Variants in ROR2 observed in about 807,000 individuals in gnomAD.
The protein encoded by ROR2 is ROR family WNT receptor 2, also known as tyrosine-protein kinase transmembrane receptor ROR2.
In ROR2, 33 loss-of-function variants were observed where a neutral mutation model predicts 74.9. The observed-to-expected ratio is 0.44, with a 90% CI of 0.33 to 0.59. The LOEUF is 0.59. ROR2 is among the 20% of genes least tolerant of loss of function. The pLI is 0.02. For missense variants in ROR2, 1,216 were observed against 1,313.8 expected (o/e 0.93, Z 1.15); for synonymous variants, 586 against 558.7 (o/e 1.05, Z -0.69).
In ROR2 at chr9:91,733,103, C is replaced by T. The variant is rs548788151; in HGVS notation, c.937+19G>A. On this transcript the variant is annotated intron_variant, in intron 6 of 8. Transcript: ENST00000375708. The surrounding 1 kb of genome is among the most constrained non-coding windows in gnomAD (Gnocchi z 5.7). ...CTCCCTGCGCCCCCCGGTCCCGCCCCGGGCCCTCGGGCACTCACAGCGGCC... is the reference window on the plus strand; with the variant it reads ...CTCCCTGCGCCCCCCGGTCCCGCCCTGGGCCCTCGGGCACTCACAGCGGCC... 24 of 1,574,330 alleles carry T rather than the reference C, an allele frequency of 1.5e-5. No individual in the cohort carries two copies. The Admixed American group carries it at 1.7e-4, about 11-fold the overall frequency.
chr9:91,772,795 G>A (rs766142979), intron 2 of ROR2, among the ~76,000 whole-genome samples: 3 of 152,136 alleles, frequency 2.0e-5, no homozygotes, highest in Non-Finnish European at 4.4e-5. Flanking sequence ...CAACAAAAAA[G>A]TCAAGAGATT....
intron 1 of ROR2, among the ~76,000 whole-genome samples, chr9:91,918,884 T>G (rs141530810): frequency 1.7e-3 from 255 of 152,108 alleles, no homozygotes; most frequent in African/African-American, 6.0e-3. Flanking sequence ...AAAAGCAAAA[T>G]AAGGCAAAAT....
intron 1 of ROR2, among the ~76,000 whole-genome samples, chr9:91,788,823 C>CG (rs1826881797): frequency 6.7e-6 from 1 of 149,086 alleles, no homozygotes; most frequent in Non-Finnish European, 1.5e-5. Flanking sequence ...GAGATGGTGC[C>CG]GCACTCCAGC....
chr9:91,776,180 G>C (rs893902177), intron 1 of ROR2, among the ~76,000 whole-genome samples: 1 of 152,220 alleles, frequency 6.6e-6, no homozygotes, highest in Non-Finnish European at 1.5e-5. Context: ...TCTGTAGCCA[G>C]ATGCCGCAGA....
At chr9:91,922,000 C>T (rs1432852809) in intron 1 of ROR2, among the ~76,000 whole-genome samples, 1 of 149,972 alleles carries the variant, frequency 6.7e-6, no homozygotes, top group African/African-American at 2.5e-5. Context: ...GAAAAGATGT[C>T]ATCATTAGTC....
In ROR2 at chr9:91,754,027, C is replaced by G. The variant is rs749019492; in HGVS notation, c.494+2044G>C. 4.0e-4 allele frequency among the ~76,000 whole-genome samples: 57 copies of G among 143,212 alleles called. 1 individual carries two copies. Among genetic ancestry groups the G allele is most frequent in the Non-Finnish European group, 3.0e-4 (20 of 65,782 alleles). The allele number at this position is 143,212 out of a possible 152,430, so 94.0% of individuals were successfully genotyped here. ...GATGTATGTATGTACTGAGTGCCTA[C>G]AAACTCCCTGGATGATTTACCTTTA... is the stretch of plus-strand genomic sequence containing the variant. On this transcript the variant is annotated intron_variant, in intron 4 of 8. Coordinates refer to ENST00000375708, the MANE Select transcript of ROR2 (RefSeq NM_004560.4).
At position 91,756,112 on chromosome 9, in the gene ROR2, G is replaced by A. The variant is rs1825742348; in HGVS notation, c.464-11C>T. 1 of 1,613,310 alleles carries A rather than the reference G, an allele frequency of 6.2e-7. No individual in the cohort carries two copies. The highest frequency in any genetic ancestry group is 8.5e-7 in the Non-Finnish European group (1 of 1,179,396). On this transcript the variant is annotated splice_polypyrimidine_tract_variant and intron_variant, in intron 3 of 8. Coordinates refer to ENST00000375708, the MANE Select transcript of ROR2 (RefSeq NM_004560.4). ...GGCTGTGCGTTGGACCTAAAAAGAG[G>A]AAACAAAAAGACAAGTTATTAATAC...
chr9:91,847,435 G>C (rs923150429), intron 1 of ROR2, among the ~76,000 whole-genome samples: 3 of 152,134 alleles, frequency 2.0e-5, no homozygotes, highest in Non-Finnish European at 4.4e-5. Flanking sequence ...CCAAAACATG[G>C]GAAGCAGGCT....
chr9:91,741,299 AAGT>A (rs1279054495), intron 4 of ROR2, among the ~76,000 whole-genome samples: 222 of 74,086 alleles, frequency 3.0e-3, no homozygotes, highest in African/African-American at 9.3e-3. Context: ...ACTCTGTCTC[AAGT>A]AGTAATAATA....
intron 1 of ROR2, among the ~76,000 whole-genome samples, chr9:91,935,858 C>T (rs1465454034): frequency 6.6e-6 from 1 of 152,234 alleles, no homozygotes; most frequent in East Asian, 1.9e-4. Flanking sequence ...TAGCAATGAC[C>T]CCCAGAGAGA....
chr9:91,827,951 A>G (rs755561507), intron 1 of ROR2, among the ~76,000 whole-genome samples: 3 of 152,252 alleles, frequency 2.0e-5, no homozygotes, highest in Non-Finnish European at 4.4e-5. Context: ...ATGTATTTGA[A>G]AACACAGTAA....
Position 91,726,421 on chromosome 9 carries a change from A to G in ROR2, c.1386+120T>C, listed in dbSNP as rs148959129. 1.3e-5 allele frequency: 13 copies of G among 975,246 alleles called. No homozygotes were observed. In the African/African-American group the frequency reaches 2.1e-4, roughly 16 times the overall value. The allele number at this position is 975,246 out of a possible 1,614,324, so 60.4% of individuals were successfully genotyped here. A position where few individuals can be genotyped will look rare whatever the true frequency, so the allele number is the denominator to read the frequency against. ...AAAAAAAAATGGCAAAATGAAGCGG[A>G]GTTTAAAATAATTATGTGCTATGTA... On this transcript the variant is annotated intron_variant, in intron 8 of 8. Coordinates refer to ENST00000375708, the MANE Select transcript of ROR2 (RefSeq NM_004560.4).
chr9:91,784,892 A>T (rs1490353313), intron 1 of ROR2, among the ~76,000 whole-genome samples: 6 of 152,106 alleles, frequency 3.9e-5, no homozygotes, highest in Non-Finnish European at 8.8e-5. Context: ...TCTCGCCTTC[A>T]TGGGGCCAGG....
chr9:91,817,846 A>T (rs1050289259), intron 1 of ROR2, among the ~76,000 whole-genome samples: 1 of 148,086 alleles, frequency 6.8e-6, no homozygotes, highest in African/African-American at 2.5e-5. Context: ...AGGGAGGAGG[A>T]GGGGAAAGAG....
intron 1 of ROR2, among the ~76,000 whole-genome samples, chr9:91,807,161 A>G (rs1827595884): frequency 6.6e-6 from 1 of 152,332 alleles, no homozygotes; most frequent in African/African-American, 2.4e-5. Context: ...TGCTGGAGTT[A>G]GATCATATCC....
At chr9:91,793,740 C>T (rs972444252) in intron 1 of ROR2, among the ~76,000 whole-genome samples, 5 of 142,670 alleles carry the variant, frequency 3.5e-5, no homozygotes, top group South Asian at 2.2e-4. Flanking sequence ...CCAGCCCGGG[C>T]GACAGTGTGA....
In ROR2 at chr9:91,723,795, G is replaced by A. The variant is rs1273674096; in HGVS notation, c.2699C>T (p.Ala900Val). 3 of 1,613,730 alleles carry A rather than the reference G, an allele frequency of 1.9e-6. No homozygotes were observed. The highest frequency in any genetic ancestry group is 4.5e-5 in the East Asian group (2 of 44,888). ...GGTGCTCTGGGCCCCATCTTCTGGG[G>A]CGTTCTGTGTGTCATCAGCGCCCTC... ...LSEGADDTQN[A>V]PEDGAQSTVQ... Residue 900 changes from alanine to valine, a missense_variant, in exon 9 of 9, where the codon GCC becomes GTC. Physicochemically the swap from Ala to Val is moderately conservative, Grantham distance 64 (BLOSUM62 0). Transcript: ENST00000375708.
intron 1 of ROR2, among the ~76,000 whole-genome samples, chr9:91,844,293 A>G (rs781382777): frequency 4.6e-5 from 7 of 152,082 alleles, no homozygotes; most frequent in Non-Finnish European, 7.4e-5. Context: ...ACAAAGAAAC[A>G]CTGTTTGCAG....
intron 4 of ROR2, among the ~76,000 whole-genome samples, chr9:91,740,090 TG>T (rs1013479055): frequency 6.6e-6 from 1 of 152,192 alleles, no homozygotes; most frequent in Non-Finnish European, 1.5e-5. Context: ...AAGAGAAGGT[TG>T]TTCCCCCTGT....
Sources: gnomAD v4.1 joint callset for allele counts (sites outside exome capture counted in the v4.1 genomes callset) on GRCh38, gnomAD v4.1.1 for gene constraint, Gnocchi (gnomAD v3.1) non-coding constraint, MANE v1.5 for transcripts, NCBI Gene and HGNC (gene_info 2026-07-23, HGNC 2026-07-21) for gene names.